Variants in MAP1A observed in about 807,000 individuals in gnomAD.
The protein encoded by MAP1A is microtubule-associated protein 1A.
A neutral mutation model predicts 185.9 loss-of-function variants in MAP1A; 42 were observed. That is an observed-to-expected ratio of 0.23 (90% CI 0.18 to 0.29). The LOEUF is 0.29. MAP1A is among the 10% of genes least tolerant of loss of function. The pLI, the probability that MAP1A is intolerant of heterozygous loss-of-function variation, is 1.00. For synonymous variants in MAP1A, 1,229 were observed against 1,335.9 expected (o/e 0.92, Z 1.74); for missense variants, 2,995 against 3,450.4 (o/e 0.87, Z 3.31).
rs764562444 is a variant in MAP1A, at chr15:43,523,618, C to T, written c.2145C>T (p.Thr715=). Residue 715 remains threonine, a synonymous_variant, in exon 4 of 6, where the codon ACC becomes ACT. Coordinates refer to ENST00000300231, the MANE Select transcript of MAP1A (RefSeq NM_002373.6). ...AGGGCAAGGCCCCTGAGAAGGAGAC[C>T]TCGTTATTCCTAAGCAGCCTGACCA... ...GLQGKAPEKE[T]SLFLSSLTTP... is the part of the protein sequence containing the mutation. 2.0e-5 allele frequency: 33 copies of T among 1,613,966 alleles called. No individual in the cohort carries two copies. The highest frequency in any genetic ancestry group is 1.3e-4 in the Admixed American group (8 of 59,992).
upstream of MAP1A, among the ~76,000 whole-genome samples, chr15:43,515,101 G>A (rs1186351050): frequency 1.3e-5 from 2 of 152,140 alleles, no homozygotes; most frequent in African/African-American, 4.8e-5. Flanking sequence ...TGTAATCCCA[G>A]CTACTCGGGA....
chr15:43,514,440 A>C (rs181880474), upstream of MAP1A, among the ~76,000 whole-genome samples: 316 of 152,316 alleles, frequency 2.1e-3, 1 homozygote, highest in Middle Eastern at 3.4e-3. Context: ...AAAGGGGACC[A>C]GGCAGCTGGG....
In MAP1A at chr15:43,527,325, C is replaced by A. The variant is rs768903001; in HGVS notation, c.5852C>A (p.Pro1951Gln). 6.2e-7 allele frequency: 1 copy of A among 1,614,036 alleles called. No individual in the cohort carries two copies. The highest frequency in any genetic ancestry group is 1.1e-5 in the South Asian group (1 of 91,088). ...HATTEPEQTE[P>Q]EQREPTPYPD... ...ACCACGGAGCCTGAGCAGACTGAGC[C>A]GGAGCAGAGAGAGCCCACACCCTAT... is the stretch of plus-strand genomic sequence containing the variant. The change falls in exon 4 of 6, where the codon CCG becomes CAG. Residue 1951 changes from proline to glutamine, a missense_variant. Around this residue, in one of 3 missense-constraint regions of MAP1A, gnomAD observed 2,728 missense variants for 2,986.0 expected, o/e 0.91. Transcript: ENST00000300231.
Position 43,530,496 on chromosome 15 carries a change from G to C in MAP1A, c.*272G>C, listed in dbSNP as rs951905973. 7 of 435,258 alleles carry C rather than the reference G, an allele frequency of 1.6e-5. No homozygotes were observed. In the Admixed American group the frequency reaches 2.3e-4, roughly 15 times the overall value. 27.0% of individuals were successfully genotyped at this position (435,258 alleles called of 1,614,324 possible). ...TCTGATGCCTGAGAACCCTCTCCTAGCACTGTCAAATGCTGGTATTGAATG... is the reference window on the plus strand; with the variant it reads ...TCTGATGCCTGAGAACCCTCTCCTACCACTGTCAAATGCTGGTATTGAATG... On this transcript the variant is annotated 3_prime_UTR_variant, in exon 6 of 6. Coordinates refer to ENST00000300231, the MANE Select transcript of MAP1A (RefSeq NM_002373.6).
chr15:43,518,692 C>T (rs1166352778), intron 1 of MAP1A, among the ~76,000 whole-genome samples: 3 of 143,340 alleles, frequency 2.1e-5, no homozygotes, highest in African/African-American at 5.7e-5. Flanking sequence ...CCTGCTCAGC[C>T]TCTGCACCGC....
At chr15:43,512,771 C>G (rs2079286783), upstream of MAP1A, among the ~76,000 whole-genome samples, 1 of 152,290 alleles carries the variant, frequency 6.6e-6, no homozygotes, top group South Asian at 2.1e-4. Flanking sequence ...GCCAACAGAT[C>G]TCCAGGGCAG....
chr15:43,514,407 C>T (rs766220219), upstream of MAP1A, among the ~76,000 whole-genome samples: 14 of 152,216 alleles, frequency 9.2e-5, no homozygotes, highest in Non-Finnish European at 2.1e-4. Flanking sequence ...CCCCTCCCTC[C>T]AGCCTTCTGT....
chr15:43,511,850 G>T (rs912968933), intron 1 of MAP1A, among the ~76,000 whole-genome samples: 1 of 152,216 alleles, frequency 6.6e-6, no homozygotes, highest in African/African-American at 2.4e-5. Flanking sequence ...TGTGGGGAAG[G>T]TAGCCCTCAG....
In MAP1A at chr15:43,529,321, G is replaced by A. The variant is rs754341513; in HGVS notation, c.7848G>A (p.Ala2616=). The A allele has an allele frequency of 1.8e-5, 29 of 1,613,898 alleles. No homozygotes were observed. The highest frequency in any genetic ancestry group is 1.1e-4 in the East Asian group (5 of 44,886). The change falls in exon 4 of 6, where the codon GCG becomes GCA. Residue 2616 remains alanine, a synonymous_variant. Coordinates refer to ENST00000300231, the MANE Select transcript of MAP1A (RefSeq NM_002373.6). The surrounding 1 kb of genome is among the most constrained non-coding windows in gnomAD (Gnocchi z 4.3). ...GGGCCCCAGGCAAGGCCAAGCCAGCGTCCCCTGCACGGCGTCTGGATCTTC... is the reference window on the plus strand; with the variant it reads ...GGGCCCCAGGCAAGGCCAAGCCAGCATCCCCTGCACGGCGTCTGGATCTTC... ...GRRAPGKAKP[A]SPARRLDLRG...
At position 43,520,707 on chromosome 15, in the gene MAP1A, A is replaced by G; in HGVS notation, c.-308A>G. On this transcript the variant is annotated 5_prime_UTR_variant, in exon 2 of 6. Transcript: ENST00000300231. ...ATCATCCTGGTAAATCCCAGTGCAG[A>G]CAGCATCAGCTCTGAGGTAAGGCCA... The G allele has an allele frequency of 6.5e-7, 1 of 1,550,104 alleles. No individual in the cohort carries two copies. The highest frequency in any genetic ancestry group is 8.7e-7 in the Non-Finnish European group (1 of 1,146,364).
Position 43,522,235 on chromosome 15 carries a change from A to G in MAP1A, c.762A>G (p.Leu254=), listed in dbSNP as rs774289114. Residue 254 remains leucine, a synonymous_variant, in exon 4 of 6, where the codon CTA becomes CTG. Coordinates refer to ENST00000300231, the MANE Select transcript of MAP1A (RefSeq NM_002373.6). The surrounding 1 kb of genome is among the most constrained non-coding windows in gnomAD (Gnocchi z 5.9). ...CTATCACTGCTCTGGTGGTCTGGCT[A>G]CCAGCCAATCCCACTGAGAAGATTG... is the stretch of plus-strand genomic sequence containing the variant. ...LTSITALVVW[L]PANPTEKIVR... is the part of the protein sequence containing the mutation. 6 of 1,614,196 alleles carry G rather than the reference A, an allele frequency of 3.7e-6. No individual in the cohort carries two copies. Among genetic ancestry groups the G allele is most frequent in the East Asian group, 2.2e-5 (1 of 44,886 alleles).
Position 43,523,817 on chromosome 15 carries a change from G to C in MAP1A, c.2344G>C (p.Gly782Arg), listed in dbSNP as rs745657904. The change falls in exon 4 of 6, where the codon GGC becomes CGC. Residue 782 changes from glycine (G) to arginine (R), a missense_variant. Gly to Arg is a moderately radical substitution (Grantham distance 125). Coordinates refer to ENST00000300231, the MANE Select transcript of MAP1A (RefSeq NM_002373.6). ...TGACCTGCCCGGGCCTGAAGGTGCT[G>C]GCCCATTCGAAGCCAGCCAACCTGC... ...TYDLPGPEGA[G>R]PFEASQPADS... 2 of 1,614,060 alleles carry C rather than the reference G, an allele frequency of 1.2e-6. No individual in the cohort carries two copies. The highest frequency in any genetic ancestry group is 1.3e-5 in the African/African-American group (1 of 75,050).
At chr15:43,511,957 C>G (rs1035002277) in intron 1 of MAP1A, among the ~76,000 whole-genome samples, 1 of 152,210 alleles carries the variant, frequency 6.6e-6, no homozygotes. Context: ...CGAGTTTAGT[C>G]TAAACTCTGT....
chr15:43,521,509 T>G lies in MAP1A; in HGVS notation c.36T>G (p.Ser12=), dbSNP rs200523545. The G allele has an allele frequency of 7.7e-5, 125 of 1,614,166 alleles. No homozygotes were observed. The African/African-American group carries it at 1.5e-3, about 19-fold the overall frequency. The change falls in exon 4 of 6, where the codon TCT becomes TCG. Residue 12 remains serine (S), a synonymous_variant. Transcript: ENST00000300231. This position sits in a 1 kb window ranked among gnomAD's most constrained non-coding sequence, Gnocchi z 4.6. ...DGVAEFSEYV[S]ETVDVPSPFD... ...TGGCTGAGTTCTCCGAGTATGTCTC[T>G]GAGACTGTGGACGTGCCATCCCCAT... is the stretch of plus-strand genomic sequence containing the variant.
In MAP1A at chr15:43,521,023, G is replaced by T. The variant is rs1303144929; in HGVS notation, c.-240G>T. On this transcript the variant is annotated 5_prime_UTR_variant, in exon 3 of 6. Coordinates refer to ENST00000300231, the MANE Select transcript of MAP1A (RefSeq NM_002373.6). This position sits in a 1 kb window ranked among gnomAD's most constrained non-coding sequence, Gnocchi z 4.6. ...AGCTTATAAACTACTAATCTTGAGTGGGCAAAGTTTAGAGCCTGGGGGAGA... is the reference window on the plus strand; with the variant it reads ...AGCTTATAAACTACTAATCTTGAGTTGGCAAAGTTTAGAGCCTGGGGGAGA... The T allele has an allele frequency of 6.5e-7, 1 of 1,550,048 alleles. No individual in the cohort carries two copies.
At position 43,512,350 on chromosome 15, in the gene MAP1A, C is replaced by T. The variant is rs962808192; in HGVS notation, c.340+59C>T. On this transcript the variant is annotated intron_variant, in intron 2 of 6. Transcript: ENST00000382031. ...TAAGAGCTGGTCACAGAGGTCCAGT[C>T]TCCCTGGGAGAAGTGGCCTTGCGGG... The T allele has an allele frequency of 4.8e-6, 6 of 1,258,732 alleles. No individual in the cohort carries two copies. In the African/African-American group the frequency reaches 7.5e-5, roughly 16 times the overall value. The allele number at this position is 1,258,732 out of a possible 1,614,324, so 78.0% of individuals were successfully genotyped here. A position where few individuals can be genotyped will look rare whatever the true frequency, so the allele number is the denominator to read the frequency against.
In MAP1A at chr15:43,522,506, G is replaced by C. The variant is rs201763786; in HGVS notation, c.1033G>C (p.Ala345Pro). 192 of 1,613,616 alleles carry C rather than the reference G, an allele frequency of 1.2e-4. No individual in the cohort carries two copies. Among genetic ancestry groups the C allele is most frequent in the Non-Finnish European group, 1.4e-4 (164 of 1,179,860 alleles). Residue 345 changes from alanine (A) to proline (P), a missense_variant, in exon 4 of 6, where the codon GCC becomes CCC. This residue lies in a region of MAP1A where 2,728 missense variants were observed against 2,986.0 expected (regional missense o/e 0.91). Transcript: ENST00000300231. The surrounding 1 kb of genome is among the most constrained non-coding windows in gnomAD (Gnocchi z 5.9). Reference protein sequence around the residue: ...AKREEVVEEGAKEARSELAKE... With the variant: ...AKREEVVEEGPKEARSELAKE... ...ACGGGAGGAGGTGGTAGAAGAGGGA[G>C]CCAAGGAGGCACGTTCAGAGCTGGC...
rs1192855079 is a variant in MAP1A, at chr15:43,531,331, G to A, written c.*1107G>A. Reference sequence around the variant, plus strand: ...AACTCCTACAGAGTGAAATGAAAACGGGCTGAAAATACCACCCCAGGAGAG... The same window carrying A: ...AACTCCTACAGAGTGAAATGAAAACAGGCTGAAAATACCACCCCAGGAGAG... On this transcript the variant is annotated 3_prime_UTR_variant, in exon 6 of 6. Transcript: ENST00000300231. 6.6e-6 allele frequency: 1 copy of A among 152,616 alleles called. No homozygotes were observed. The highest frequency in any genetic ancestry group is 2.1e-4 in the South Asian group (1 of 4,830). 9.5% of individuals were successfully genotyped at this position (152,616 alleles called of 1,614,324 possible).
Position 43,530,488 on chromosome 15 carries a change from CT to C in MAP1A, c.*265del, listed in dbSNP as rs2079367511. The C allele has an allele frequency of 6.3e-6, 3 of 477,230 alleles. No homozygotes were observed. The highest frequency in any genetic ancestry group is 3.6e-5 in the Admixed American group (1 of 27,620). The allele number at this position is 477,230 out of a possible 1,614,324, so 29.6% of individuals were successfully genotyped here. The stretch of plus-strand genomic sequence containing the variant: ...GGATAGCATCTGATGCCTGAGAACC[CT>C]CTCCTAGCACTGTCAAATGCTGGTA... On this transcript the variant is annotated 3_prime_UTR_variant, in exon 6 of 6. Transcript: ENST00000300231.
Sources: allele counts gnomAD v4.1 joint callset (sites outside exome capture counted in the v4.1 genomes callset), GRCh38; gene constraint gnomAD v4.1.1; regional missense constraint gnomAD v4.1.1; non-coding constraint Gnocchi (gnomAD v3.1); transcripts MANE v1.5; gene names NCBI Gene and HGNC (gene_info 2026-07-23, HGNC 2026-07-21).